Variants in PTP4A3 observed in about 807,000 individuals in gnomAD.
PTP4A3 encodes the protein protein tyrosine phosphatase 4A3.
In PTP4A3, 9 loss-of-function variants were observed where a neutral mutation model predicts 15.2. The observed-to-expected ratio is 0.59, with a 90% CI of 0.36 to 1.03. PTP4A3 has a LOEUF of 1.03. Ranked by LOEUF, PTP4A3 falls within the 50% of genes least tolerant of loss-of-function variation. The pLI, the probability that PTP4A3 is intolerant of heterozygous loss-of-function variation, is 0.02. For missense variants in PTP4A3, 234 were observed against 252.1 expected (o/e 0.93, Z 0.49); for synonymous variants, 95 against 102.0 (o/e 0.93, Z 0.41).
chr8:141,419,807 G>A (rs1342306049), intron 1 of PTP4A3, among the ~76,000 whole-genome samples: 3 of 152,106 alleles, frequency 2.0e-5, no homozygotes, highest in Non-Finnish European at 4.4e-5. Context: ...TTGAACTCCT[G>A]ACCTCAGGTG....
chr8:141,415,625 GGGGGGCAGGGGGCGGGGCGGGGGGGCA>G (rs1462221737), intron 1 of PTP4A3, among the ~76,000 whole-genome samples: 1 of 97,534 alleles, frequency 1.0e-5, no homozygotes, highest in Admixed American at 1.0e-4. Context: ...CGCGGAGGGC[GGGGGGCAGGGGGCGGGGCGGGGGGGCA>G]GGGGGCAGGG....
chr8:141,428,947 C>T (rs148591167), intron 5 of PTP4A3, among the ~76,000 whole-genome samples: 10 of 152,342 alleles, frequency 6.6e-5, no homozygotes, highest in Admixed American at 1.3e-4. Context: ...GGGTGCACAC[C>T]TTCCCCGGGT....
At chr8:141,417,002 C>T (rs1005866319) in intron 1 of PTP4A3, among the ~76,000 whole-genome samples, 3 of 152,160 alleles carry the variant, frequency 2.0e-5, no homozygotes, top group East Asian at 1.9e-4. Flanking sequence ...CTCTGAGGGC[C>T]CTGGGTGGCC....
intron 1 of PTP4A3, among the ~76,000 whole-genome samples, chr8:141,400,935 G>T (rs1586536980): frequency 1.3e-5 from 2 of 152,172 alleles, no homozygotes; most frequent in Admixed American, 1.3e-4. Context: ...CAGGTAGTCA[G>T]GGTGGGCTTT....
chr8:141,408,306 A>G (rs933270650), intron 1 of PTP4A3, among the ~76,000 whole-genome samples: 2 of 152,216 alleles, frequency 1.3e-5, no homozygotes, highest in Non-Finnish European at 2.9e-5. Flanking sequence ...TATTAAAAAC[A>G]CTGAAGGTTA....
At chr8:141,422,408 G>A in intron 2 of PTP4A3, 63 bp downstream of exon 2, 1 of 1,580,404 alleles carries the variant, frequency 6.3e-7, no homozygotes, top group Non-Finnish European at 8.7e-7. Context: ...CGGCTGAGCT[G>A]CCCTCAGGCC....
At chr8:141,396,700 G>A (rs905098784) in intron 1 of PTP4A3, among the ~76,000 whole-genome samples, 9 of 152,200 alleles carry the variant, frequency 5.9e-5, no homozygotes, top group African/African-American at 1.9e-4. Flanking sequence ...GCTACAGGGT[G>A]GGGAGACGGT....
chr8:141,401,490 G>C (rs577304756), intron 1 of PTP4A3, among the ~76,000 whole-genome samples: 1 of 152,298 alleles, frequency 6.6e-6, no homozygotes, highest in East Asian at 1.9e-4. Flanking sequence ...GAGGGCAGCG[G>C]GTCCATCTCA....
rs368787119 is a variant in PTP4A3, at chr8:141,426,953, C to T, written c.213C>T (p.Asp71=). 3.4e-5 allele frequency: 54 copies of T among 1,611,050 alleles called. No individual in the cohort carries two copies. Among genetic ancestry groups the T allele is most frequent in the Non-Finnish European group, 4.0e-5 (47 of 1,179,828 alleles). Residue 71 remains aspartate (D), a synonymous_variant, in exon 4 of 6, where the codon GAC becomes GAT. Coordinates refer to ENST00000521578, the MANE Select transcript of PTP4A3 (RefSeq NM_032611.3). ...TCCCTCCGTAGGACTGGCCGTTTGA[C>T]GATGGGGCGCCCCCGCCCGGCAAGG... ...DGITVVDWPF[D]DGAPPPGKVV... is the part of the protein sequence containing the mutation.
chr8:141,411,586 C>T (rs1230420453), intron 1 of PTP4A3, among the ~76,000 whole-genome samples: 5 of 152,232 alleles, frequency 3.3e-5, no homozygotes, highest in Admixed American at 6.5e-5. Flanking sequence ...ACGTGCATGC[C>T]GGCTGAGTCC....
chr8:141,430,103 GACA>G (rs1833781019), intron 5 of PTP4A3, among the ~76,000 whole-genome samples: 6 of 146,608 alleles, frequency 4.1e-5, no homozygotes, highest in African/African-American at 1.3e-4. Context: ...AGGTGGCGGG[GACA>G]GGGTGAGCGT....
chr8:141,411,540 G>A (rs1327755479), intron 1 of PTP4A3, among the ~76,000 whole-genome samples: 3 of 152,244 alleles, frequency 2.0e-5, no homozygotes, highest in African/African-American at 4.8e-5. Flanking sequence ...GTGACCTTCC[G>A]CAGCCAGCTT....
chr8:141,404,226 T>C (rs6578177), intron 1 of PTP4A3, among the ~76,000 whole-genome samples: 60,413 of 152,242 alleles, frequency 0.4, 13,767 homozygotes, highest in African/African-American at 0.62. Context: ...GTCAGCGTTA[T>C]CACAAAACCA....
chr8:141,422,215 C>T lies in PTP4A3; in HGVS notation c.-26C>T, dbSNP rs373678370. On this transcript the variant is annotated 5_prime_UTR_variant, in exon 2 of 6. Transcript: ENST00000521578. ...CCAGCCTTCTCTGCAGTCCCTTCTG[C>T]CCTGCCGGGCCCGTCGGGAGGCGCC... The T allele has an allele frequency of 4.3e-6, 7 of 1,611,938 alleles. No homozygotes were observed. The highest frequency in any genetic ancestry group is 5.9e-6 in the Non-Finnish European group (7 of 1,179,224).
At chr8:141,417,987 C>T (rs1833132341) in intron 1 of PTP4A3, among the ~76,000 whole-genome samples, 1 of 151,958 alleles carries the variant, frequency 6.6e-6, no homozygotes, top group Non-Finnish European at 1.5e-5. Flanking sequence ...CAGGCCGGCG[C>T]GTATGGAGGC....
intron 2 of PTP4A3, among the ~76,000 whole-genome samples, chr8:141,423,715 C>T (rs1586562767): frequency 6.6e-6 from 1 of 151,198 alleles, no homozygotes; most frequent in Admixed American, 6.6e-5. Context: ...AGTATGTGAC[C>T]AGGGTCGAAG....
chr8:141,423,718 G>A (rs141180767), intron 2 of PTP4A3, among the ~76,000 whole-genome samples: 1 of 152,046 alleles, frequency 6.6e-6, no homozygotes, highest in African/African-American at 2.4e-5. Context: ...ATGTGACCAG[G>A]GTCGAAGCTC....
chr8:141,417,087 G>A (rs758230901), intron 1 of PTP4A3, among the ~76,000 whole-genome samples: 5 of 152,124 alleles, frequency 3.3e-5, no homozygotes, highest in South Asian at 2.1e-4. Flanking sequence ...ATGAGTTCCC[G>A]GCACAATGCT....
rs184326483 is a variant in PTP4A3, at chr8:141,418,685, C to T, written c.-853-2703C>T. Among the ~76,000 whole-genome samples the T allele has an allele frequency of 6.0e-4, 91 of 152,214 alleles. 1 individual carries two copies. The highest frequency in any genetic ancestry group is 1.2e-3 in the Admixed American group (18 of 15,296). On this transcript the variant is annotated intron_variant, in intron 1 of 5. Transcript: ENST00000521578. ...GGGGCCACGGCTGCCAGTGGGTCCC[C>T]GTGCTGTGGGCCGCGGGCCTGGTGG...
Sources: allele counts gnomAD v4.1 joint callset (sites outside exome capture counted in the v4.1 genomes callset), GRCh38; gene constraint gnomAD v4.1.1; transcripts MANE v1.5; gene names NCBI Gene and HGNC (gene_info 2026-07-23, HGNC 2026-07-21).